The following ST8SIA5 variants were observed in gnomAD, a reference collection of about 807,000 sequenced individuals.
The protein encoded by ST8SIA5 is ST8 alpha-N-acetyl-neuraminide alpha-2,8-sialyltransferase 5.
Under a neutral mutation model 40.2 loss-of-function variants are expected in ST8SIA5, and 24 were observed. The observed-to-expected ratio is 0.60, with a 90% CI of 0.43 to 0.84. The LOEUF is 0.84. Among genes scored for constraint, ST8SIA5 ranks in the 40% least tolerant of loss-of-function variants. ST8SIA5 has a pLI of 0.00. For synonymous variants in ST8SIA5, 198 were observed against 201.8 expected (o/e 0.98, Z 0.16); for missense variants, 465 against 498.5 (o/e 0.93, Z 0.64).
chr18:46,735,039 A>T (rs1300657545), intron 1 of ST8SIA5, among the ~76,000 whole-genome samples: 1 of 152,270 alleles, frequency 6.6e-6, no homozygotes, highest in Non-Finnish European at 1.5e-5. Flanking sequence ...CAATGTGGCT[A>T]GAATAAAGCA....
chr18:46,700,429 C>T (rs2039600989), intron 2 of ST8SIA5, among the ~76,000 whole-genome samples: 1 of 152,208 alleles, frequency 6.6e-6, no homozygotes, highest in East Asian at 1.9e-4. Flanking sequence ...ATGAGTCCTC[C>T]TCATGGCACT....
chr18:46,747,702 C>A (rs547259765), intron 1 of ST8SIA5, among the ~76,000 whole-genome samples: 11 of 152,226 alleles, frequency 7.2e-5, no homozygotes, highest in African/African-American at 2.4e-4. Flanking sequence ...ACCATTTGAC[C>A]CAGCCATCCC....
intron 2 of ST8SIA5, among the ~76,000 whole-genome samples, chr18:46,697,037 C>T (rs1047965809): frequency 2.0e-5 from 3 of 151,644 alleles, no homozygotes; most frequent in African/African-American, 7.3e-5. Flanking sequence ...CTACACTCCC[C>T]CTACCCCACC....
In ST8SIA5 at chr18:46,679,971, G is replaced by A; in HGVS notation, c.*71C>T. ...CAGGACCCCACGCTGCCCGGTTCGG[G>A]GCTCCCAGTTCCACCAGGAGGGACA... is the stretch of plus-strand genomic sequence containing the variant. On this transcript the variant is annotated 3_prime_UTR_variant, in exon 7 of 7. Transcript: ENST00000315087. 1 of 1,463,356 alleles carries A rather than the reference G, an allele frequency of 6.8e-7. No homozygotes were observed. The highest frequency in any genetic ancestry group is 9.2e-7 in the Non-Finnish European group (1 of 1,084,480). 90.6% of individuals were successfully genotyped at this position (1,463,356 alleles called of 1,614,324 possible). A position where few individuals can be genotyped will look rare whatever the true frequency, so the allele number is the denominator to read the frequency against.
chr18:46,728,652 A>C (rs369087824), intron 1 of ST8SIA5, among the ~76,000 whole-genome samples: 2 of 152,314 alleles, frequency 1.3e-5, no homozygotes, highest in East Asian at 3.9e-4. Context: ...CCATGTGCTC[A>C]AGACAAAATG....
rs1159697872 is a variant in ST8SIA5 at position 46,667,977 on chromosome 18, T to G, written c.*12065A>C. The G allele has an allele frequency of 6.6e-6, 1 of 152,290 alleles. No homozygotes were observed. The highest frequency in any genetic ancestry group is 1.5e-5 in the Non-Finnish European group (1 of 68,074). 9.4% of individuals were successfully genotyped at this position (152,290 alleles called of 1,614,324 possible). On this transcript the variant is annotated 3_prime_UTR_variant, in exon 7 of 7. Coordinates refer to ENST00000315087, the MANE Select transcript of ST8SIA5 (RefSeq NM_013305.6). Reference sequence around the variant, plus strand: ...GACAGCCACACACAAGCTGGAATTATGCTACAGGAGTTTGTATAAACCACT... The same window carrying G: ...GACAGCCACACACAAGCTGGAATTAGGCTACAGGAGTTTGTATAAACCACT...
chr18:46,720,693 C>T (rs1226669176), intron 1 of ST8SIA5, among the ~76,000 whole-genome samples: 1 of 152,128 alleles, frequency 6.6e-6, no homozygotes, highest in Admixed American at 6.5e-5. Context: ...GCTTAGCTGG[C>T]AGGTTCCAGT....
At chr18:46,737,499 T>A (rs2040046611) in intron 1 of ST8SIA5, among the ~76,000 whole-genome samples, 2 of 152,214 alleles carry the variant, frequency 1.3e-5, no homozygotes, top group Non-Finnish European at 1.5e-5. Context: ...GGATAAAGTT[T>A]CAGGATTCCC....
At chr18:46,754,461 TC>T (rs2040222939) in intron 1 of ST8SIA5, among the ~76,000 whole-genome samples, 1 of 152,196 alleles carries the variant, frequency 6.6e-6, no homozygotes, top group African/African-American at 2.4e-5. Flanking sequence ...CAAATAGACT[TC>T]GAGTCCTCTG....
chr18:46,696,068 G>A (rs987659166), intron 2 of ST8SIA5, among the ~76,000 whole-genome samples: 12 of 152,372 alleles, frequency 7.9e-5, no homozygotes, highest in Non-Finnish European at 5.9e-5. Context: ...TCCTGAGGAG[G>A]AGAACCTTGC....
chr18:46,688,739 T>C (rs200705757), intron 4 of ST8SIA5, 36 bp downstream of exon 4: 369 of 1,587,858 alleles, frequency 2.3e-4, no homozygotes, highest in Non-Finnish European at 3.0e-4. Context: ...ATTGGCTCCC[T>C]CGCCCCACCC....
At chr18:46,697,207 C>T (rs560576268) in intron 2 of ST8SIA5, among the ~76,000 whole-genome samples, 15 of 149,346 alleles carry the variant, frequency 1.0e-4, no homozygotes, top group African/African-American at 3.7e-4. Flanking sequence ...GCATCATGAA[C>T]AACTTCAGAC....
rs60444300 is a variant in ST8SIA5 at position 46,724,989 on chromosome 18, GAGGAAGGAAGGAAGGAAGGAAGGA to G, written c.132-20349_132-20326del. ...GACGAAAGAAAGGAAGAAAGAGAGA[GAGGAAGGAAGGAAGGAAGGAAGGA>G]AGGAAGGAAGGAAGGAAGGAAGGAA... On this transcript the variant is annotated intron_variant, in intron 1 of 6. Transcript: ENST00000315087. Among the ~76,000 whole-genome samples, 608 of 99,736 alleles carry G rather than the reference GAGGAAGGAAGGAAGGAAGGAAGGA, an allele frequency of 6.1e-3. 7 individuals are homozygous for G. The highest frequency in any genetic ancestry group is 0.021 in the African/African-American group (552 of 26,890). The allele number at this position is 99,736 out of a possible 152,430, so 65.4% of individuals were successfully genotyped here.
chr18:46,685,006 G>A (rs930889313), intron 5 of ST8SIA5, among the ~76,000 whole-genome samples: 9 of 152,246 alleles, frequency 5.9e-5, no homozygotes, highest in Admixed American at 3.3e-4. Flanking sequence ...CGCAGTTGCC[G>A]GCACTAACTG....
chr18:46,686,595 G>A (rs532660190), intron 4 of ST8SIA5, among the ~76,000 whole-genome samples: 25 of 152,230 alleles, frequency 1.6e-4, no homozygotes, highest in Non-Finnish European at 3.1e-4. Flanking sequence ...CTGGGCTTCC[G>A]GTGGGACCAG....
In ST8SIA5 at chr18:46,715,252, A is replaced by G. The variant is rs1251653048; in HGVS notation, c.132-10588T>C. 3.3e-5 allele frequency among the ~76,000 whole-genome samples: 5 copies of G among 152,236 alleles called. No homozygotes were observed. The South Asian group carries it at 1.0e-3, about 31-fold the overall frequency. The stretch of plus-strand genomic sequence containing the variant: ...AGTGAGCCAGCTGCACCTGCCACAC[A>G]GGAGTGTGCTTCCTCCGCTGCTCTG... On this transcript the variant is annotated intron_variant, in intron 1 of 6. Transcript: ENST00000315087.
chr18:46,693,923 G>A (rs555952396), intron 2 of ST8SIA5, among the ~76,000 whole-genome samples: 7 of 152,126 alleles, frequency 4.6e-5, no homozygotes, highest in Admixed American at 3.9e-4. Flanking sequence ...TACTCCTTCC[G>A]CATTTCAGTT....
intron 1 of ST8SIA5, among the ~76,000 whole-genome samples, chr18:46,719,700 T>TTCTTTCTTTCTTTCTTTC (rs1414989592): frequency 1.0e-4 from 15 of 148,494 alleles, no homozygotes; most frequent in Non-Finnish European, 1.9e-4. Context: ...CTTTCTTTCT[T>TTCTTTCTTTCTTTCTTTC]TCTTTCTCTC....
chr18:46,730,306 A>G, intron 1 of ST8SIA5: 1 of 959,630 alleles, frequency 1.0e-6, no homozygotes, highest in African/African-American at 1.8e-5. Context: ...TTGAAGTCTC[A>G]GTTTTCTCAT....
Sources: allele counts gnomAD v4.1 joint callset (sites outside exome capture counted in the v4.1 genomes callset), GRCh38; gene constraint gnomAD v4.1.1; transcripts MANE v1.5; gene names NCBI Gene and HGNC (gene_info 2026-07-23, HGNC 2026-07-21).